Variants in NCS1 observed in about 807,000 individuals in gnomAD.
NCS1 encodes the protein frequenin homolog.
In NCS1, 6 loss-of-function variants were observed where a neutral mutation model predicts 28.4. The ratio of observed to expected loss-of-function variants is 0.21; its 90% CI spans 0.12 to 0.42. The LOEUF (loss-of-function observed/expected upper bound fraction) is 0.42, where lower values mean the gene tolerates loss of function less well. Ranked by LOEUF, NCS1 falls within the 10% of genes least tolerant of loss-of-function variation. The probability of loss-of-function intolerance (pLI) is 1.00; values close to 1 mark genes in which losing one functional copy is unlikely to be tolerated. For missense variants in NCS1, 131 were observed against 241.4 expected, an observed-to-expected ratio of 0.54 and a Z score of 3.03; for synonymous variants, 86 against 99.3, an observed-to-expected ratio of 0.87 and a Z score of 0.79.
intron 1 of NCS1, among the ~76,000 whole-genome samples, chr9:130,187,314 C>T (rs1832750980): frequency 6.6e-6 from 1 of 152,136 alleles, no homozygotes; most frequent in Non-Finnish European, 1.5e-5. Flanking sequence ...GGTCCTCCTG[C>T]TCTCTGAGCA....
chr9:130,187,630 G>C lies in NCS1; in HGVS notation c.65-13328G>C, dbSNP rs1283069972. On this transcript the variant is annotated intron_variant, in intron 1 of 7. Coordinates refer to ENST00000372398, the MANE Select transcript of NCS1 (RefSeq NM_014286.4). ...ACTGCATTCTGGGAGGGGAGGTGCT[G>C]GCAGTGGCCAATGCTGGTTCCACCC... Among the ~76,000 whole-genome samples, 5 of 152,228 alleles carry C rather than the reference G, an allele frequency of 3.3e-5. 1 individual carries two copies. Among genetic ancestry groups the C allele is most frequent in the Non-Finnish European group, 7.3e-5 (5 of 68,044 alleles).
intron 1 of NCS1, among the ~76,000 whole-genome samples, chr9:130,190,017 C>T (rs1319143680): frequency 9.1e-6 from 1 of 109,954 alleles, no homozygotes; most frequent in Non-Finnish European, 1.8e-5. Context: ...GGGGGTAGTT[C>T]TTGTATGTTT....
chr9:130,206,928 G>T (rs1358968877), intron 2 of NCS1, among the ~76,000 whole-genome samples: 1 of 152,200 alleles, frequency 6.6e-6, no homozygotes, highest in Non-Finnish European at 1.5e-5. Flanking sequence ...CACCTGAGAA[G>T]CGCCAGGTCA....
rs542254661 is a variant in NCS1, at chr9:130,213,285, T to C, written c.90-4547T>C. Among the ~76,000 whole-genome samples, 10 of 152,308 alleles carry C rather than the reference T, an allele frequency of 6.6e-5. 1 individual carries two copies. In the South Asian group the frequency reaches 1.7e-3, roughly 25 times the overall value. Reference sequence around the variant, plus strand: ...ATCACTGGTTTTCTTTTCTTTCTTTTTTTTTCTTTTGAGACGGAGTCTCGC... The same window carrying C: ...ATCACTGGTTTTCTTTTCTTTCTTTCTTTTTCTTTTGAGACGGAGTCTCGC... On this transcript the variant is annotated intron_variant, in intron 2 of 7. Coordinates refer to ENST00000372398, the MANE Select transcript of NCS1 (RefSeq NM_014286.4).
chr9:130,173,140 T>TGCC (rs1190186513), intron 1 of NCS1, among the ~76,000 whole-genome samples: 7 of 150,924 alleles, frequency 4.6e-5, no homozygotes, highest in African/African-American at 9.8e-5. Flanking sequence ...TGCATCACGA[T>TGCC]GCCGCCGCCG....
chr9:130,219,664 T>G lies in NCS1; in HGVS notation c.229-61T>G. The G allele has an allele frequency of 6.5e-7, 1 of 1,546,954 alleles. No individual in the cohort carries two copies. Among genetic ancestry groups the G allele is most frequent in the Non-Finnish European group, 8.9e-7 (1 of 1,119,442 alleles). On this transcript the variant is annotated intron_variant, in intron 3 of 7. Coordinates refer to ENST00000372398, the MANE Select transcript of NCS1 (RefSeq NM_014286.4). The surrounding 1 kb of genome is among the most constrained non-coding windows in gnomAD (Gnocchi z 5.7). ...GACTGCCCCTCGCCCGTCCCGAGGT[T>G]CAGCCTGACCCGGTGGCCTGGCCGG...
At chr9:130,182,913 G>C (rs1265953824) in intron 1 of NCS1, among the ~76,000 whole-genome samples, 1 of 152,242 alleles carries the variant, frequency 6.6e-6, no homozygotes, top group Non-Finnish European at 1.5e-5. Flanking sequence ...CACAGGTGCA[G>C]TGTGGGTTTT....
At chr9:130,217,216 G>A (rs557509680) in intron 2 of NCS1, among the ~76,000 whole-genome samples, 20 of 152,354 alleles carry the variant, frequency 1.3e-4, no homozygotes, top group South Asian at 2.1e-4. Context: ...CGTCAGCCAC[G>A]TAGGGATCTG....
chr9:130,225,710 C>T (rs928395221), intron 6 of NCS1, among the ~76,000 whole-genome samples: 1 of 152,226 alleles, frequency 6.6e-6, no homozygotes, highest in African/African-American at 2.4e-5. Context: ...TGGCATATGT[C>T]GTGTACGCAG....
At chr9:130,217,662 G>A (rs1833208256) in intron 2 of NCS1, among the ~76,000 whole-genome samples, 170 bp from the exon 3 acceptor site, 1 of 152,216 alleles carries the variant, frequency 6.6e-6, no homozygotes, top group Non-Finnish European at 1.5e-5. Context: ...CTGCTAGTGA[G>A]AGGCAGAGGT....
chr9:130,187,134 A>AGCAGGGGAGCAATGTGAGGCC (rs1832747552), intron 1 of NCS1, among the ~76,000 whole-genome samples: 2 of 152,116 alleles, frequency 1.3e-5, no homozygotes, highest in Admixed American at 1.3e-4. Flanking sequence ...TGTCTCGGAA[A>AGCAGGGGAGCAATGTGAGGCC]GCAGGGGAGC....
intron 2 of NCS1, among the ~76,000 whole-genome samples, chr9:130,216,313 G>A (rs1275172942): frequency 6.6e-6 from 1 of 152,202 alleles, no homozygotes; most frequent in African/African-American, 2.4e-5. Context: ...TGGCTTCTCT[G>A]AGCGTCGGCC....
intron 4 of NCS1, 117 bp from the exon 5 acceptor site, chr9:130,222,533 G>A (rs879992364): frequency 9.0e-5 from 70 of 780,068 alleles, no homozygotes; most frequent in Admixed American, 1.8e-4. Context: ...TTGACCTGAT[G>A]AGGAATGGGC....
intron 2 of NCS1, among the ~76,000 whole-genome samples, chr9:130,214,362 C>G (rs1037390436): frequency 5.3e-5 from 8 of 152,198 alleles, no homozygotes; most frequent in Non-Finnish European, 2.9e-5. Flanking sequence ...TCACTGGGGA[C>G]TCTTGCAATA....
At chr9:130,187,287 C>T (rs1022403256) in intron 1 of NCS1, among the ~76,000 whole-genome samples, 2 of 152,238 alleles carry the variant, frequency 1.3e-5, no homozygotes, top group East Asian at 1.9e-4. Flanking sequence ...CTCTGTGCCC[C>T]GTCGCTGCCA....
intron 1 of NCS1, among the ~76,000 whole-genome samples, chr9:130,187,173 G>A (rs1554905719): frequency 6.6e-6 from 1 of 152,184 alleles, no homozygotes; most frequent in African/African-American, 2.4e-5. Context: ...ACACCTGGGA[G>A]ACGGGGGGCC....
intron 1 of NCS1, among the ~76,000 whole-genome samples, chr9:130,178,603 TTTGG>T (rs1554904842): frequency 1.4e-4 from 21 of 151,948 alleles, no homozygotes; most frequent in African/African-American, 5.1e-4. Flanking sequence ...CAGGAAGGAA[TTTGG>T]ACATTATTCG....
In NCS1 at chr9:130,226,592, T is replaced by A; in HGVS notation, c.*17+88T>A. 1.0e-6 allele frequency: 1 copy of A among 965,924 alleles called. No individual in the cohort carries two copies. 59.8% of individuals were successfully genotyped at this position (965,924 alleles called of 1,614,324 possible). A position where few individuals can be genotyped will look rare whatever the true frequency, so the allele number is the denominator to read the frequency against. ...AGGACACCTACGGTTGGCAGGTAAT[T>A]ACCTGGGTCTCTGGGGGTGTTGTGG... On this transcript the variant is annotated intron_variant, in intron 7 of 7. Transcript: ENST00000372398. The surrounding 1 kb of genome is among the most constrained non-coding windows in gnomAD (Gnocchi z 4.8).
chr9:130,190,113 T>G (rs553755992), intron 1 of NCS1, among the ~76,000 whole-genome samples: 72 of 150,654 alleles, frequency 4.8e-4, no homozygotes, highest in African/African-American at 1.5e-3. Context: ...AGAAATAACT[T>G]TGGGTTTTAG....
Sources: gnomAD v4.1 joint callset for allele counts (sites outside exome capture counted in the v4.1 genomes callset) on GRCh38, gnomAD v4.1.1 for gene constraint, Gnocchi (gnomAD v3.1) non-coding constraint, MANE v1.5 for transcripts, NCBI Gene and HGNC (gene_info 2026-07-23, HGNC 2026-07-21) for gene names.